The following KCNT1 variants were observed in gnomAD, a reference collection of about 807,000 sequenced individuals.
KCNT1 encodes the protein potassium channel subfamily T member 1.
A neutral mutation model predicts 147.8 loss-of-function variants in KCNT1; 78 were observed. The observed-to-expected ratio is 0.53, with a 90% CI of 0.44 to 0.64. The LOEUF is 0.64. Among genes scored for constraint, KCNT1 ranks in the 30% least tolerant of loss-of-function variants. The pLI, the probability that KCNT1 is intolerant of heterozygous loss-of-function variation, is 0.00. For synonymous variants in KCNT1, 867 were observed against 748.8 expected, an observed-to-expected ratio of 1.16 and a Z score of -2.58; for missense variants, 1,419 against 1,750.3, an observed-to-expected ratio of 0.81 and a Z score of 3.38.
At chr9:135,772,334 C>G (rs1440811169) in intron 18 of KCNT1, among the ~76,000 whole-genome samples, 1 of 152,178 alleles carries the variant, frequency 6.6e-6, no homozygotes, top group African/African-American at 2.4e-5. Context: ...ACTGAGTCAC[C>G]CAGCTGCTCC....
At chr9:135,774,511 TTGTGTGTCTGTGTGTGC>T (rs1833010308) in intron 19 of KCNT1, among the ~76,000 whole-genome samples, 1 of 150,522 alleles carries the variant, frequency 6.6e-6, no homozygotes, top group Non-Finnish European at 1.5e-5. Context: ...GTTGCATATG[TTGTGTGTCTGTGTGTGC>T]TGTGTGTCTG....
At chr9:135,761,713 G>A (rs1831923127) in intron 11 of KCNT1, among the ~76,000 whole-genome samples, 1 of 152,198 alleles carries the variant, frequency 6.6e-6, no homozygotes, top group African/African-American at 2.4e-5. Flanking sequence ...CTCTGCAGAG[G>A]CGTTGACCCA....
chr9:135,724,022 G>A (rs1588268010), intron 2 of KCNT1, among the ~76,000 whole-genome samples: 1 of 152,170 alleles, frequency 6.6e-6, no homozygotes, highest in Non-Finnish European at 1.5e-5. Flanking sequence ...TTCATAAGAG[G>A]CCCCGGGAAG....
intron 9 of KCNT1, 79 bp downstream of exon 9, chr9:135,757,460 C>G (rs572648831): frequency 7.6e-7 from 1 of 1,319,960 alleles, no homozygotes; most frequent in Non-Finnish European, 1.1e-6. Context: ...CACTGTGCGA[C>G]GTAGCCTGCC....
rs1834740041 is a variant in KCNT1, at chr9:135,795,368, G to A, written c.*3207G>A. 1 of 152,164 alleles carries A rather than the reference G, an allele frequency of 6.6e-6. No individual in the cohort carries two copies. The highest frequency in any genetic ancestry group is 1.5e-5 in the Non-Finnish European group (1 of 68,034). The allele number at this position is 152,164 out of a possible 1,614,324, so 9.4% of individuals were successfully genotyped here. A position where few individuals can be genotyped will look rare whatever the true frequency, so the allele number is the denominator to read the frequency against. On this transcript the variant is annotated 3_prime_UTR_variant, in exon 31 of 31. Coordinates refer to ENST00000371757, the MANE Select transcript of KCNT1 (RefSeq NM_020822.3). The stretch of plus-strand genomic sequence containing the variant: ...CTGAGGAAGGAGGATCACCTGAGCT[G>A]GGGAGGTTGAGGCTGCCGTGAGCTG...
Position 135,724,930 on chromosome 9 carries a change from A to T in KCNT1, c.254+10210A>T, listed in dbSNP as rs146710153. Among the ~76,000 whole-genome samples the T allele has an allele frequency of 6.1e-4, 93 of 152,198 alleles. No homozygotes were observed. In the East Asian group the frequency reaches 0.016, roughly 27 times the overall value. On this transcript the variant is annotated intron_variant, in intron 2 of 30. Coordinates refer to ENST00000371757, the MANE Select transcript of KCNT1 (RefSeq NM_020822.3). ...GAACCTTCCCTCTAGCAGACAACAG[A>T]TCTGACAGGGTCTTCCCCCCATGAG...
At position 135,764,505 on chromosome 9, in the gene KCNT1, C is replaced by T. The variant is rs140927218; in HGVS notation, c.1036-526C>T. ...ACTTTCACCTAGAGGCCAGTGGGGC[C>T]GGTGCTGGGAGGCCCCGGTGGCCTC... On this transcript the variant is annotated intron_variant, in intron 11 of 30. Transcript: ENST00000371757. 5.2e-3 allele frequency among the ~76,000 whole-genome samples: 790 copies of T among 152,272 alleles called. 4 individuals are homozygous for T. The highest frequency in any genetic ancestry group is 0.015 in the South Asian group (72 of 4,826).
intron 2 of KCNT1, among the ~76,000 whole-genome samples, chr9:135,744,581 C>T (rs902893443): frequency 1.3e-5 from 2 of 152,258 alleles, no homozygotes; most frequent in African/African-American, 2.4e-5. Context: ...CTGGGGCAAG[C>T]GTGGGCCTCG....
At chr9:135,735,037 A>G (rs1248268956) in intron 2 of KCNT1, among the ~76,000 whole-genome samples, 2 of 152,032 alleles carry the variant, frequency 1.3e-5, no homozygotes, top group Non-Finnish European at 2.9e-5. Context: ...GTTCTGGGGC[A>G]CTCCACAGGA....
chr9:135,711,888 G>A (rs1002466001), intron 1 of KCNT1, among the ~76,000 whole-genome samples: 3 of 152,232 alleles, frequency 2.0e-5, no homozygotes, highest in African/African-American at 7.2e-5. Flanking sequence ...TGCAGGCCCT[G>A]TTCCGCGTGC....
intron 11 of KCNT1, 70 bp from the exon 12 acceptor site, chr9:135,764,961 C>A: frequency 6.6e-7 from 1 of 1,518,114 alleles, no homozygotes; most frequent in Non-Finnish European, 8.9e-7. Flanking sequence ...GTGTCAGGGC[C>A]CAGGTTCTTC....
intron 2 of KCNT1, among the ~76,000 whole-genome samples, chr9:135,732,022 A>AGAGG (rs1836492185): frequency 1.5e-5 from 2 of 129,408 alleles, no homozygotes; most frequent in Non-Finnish European, 3.3e-5. Context: ...AGAGAGAGAG[A>AGAGG]GAGAGAGAGA....
At chr9:135,737,000 G>A (rs980379213) in intron 2 of KCNT1, 26 of 283,090 alleles carry the variant, frequency 9.2e-5, no homozygotes, top group African/African-American at 5.3e-4. Context: ...CGTAGGGGCT[G>A]AACACGGCGG....
At chr9:135,737,997 G>C (rs999975104) in intron 2 of KCNT1, among the ~76,000 whole-genome samples, 17 of 152,188 alleles carry the variant, frequency 1.1e-4, no homozygotes, top group African/African-American at 3.1e-4. Flanking sequence ...ATGCTGGCGT[G>C]GGGGGAAGGG....
chr9:135,739,964 G>A (rs564232165), intron 2 of KCNT1, among the ~76,000 whole-genome samples: 2 of 152,106 alleles, frequency 1.3e-5, no homozygotes, highest in African/African-American at 4.8e-5. Flanking sequence ...CTGGAGGCTG[G>A]AAGTCTGAGC....
intron 29 of KCNT1, 56 bp downstream of exon 29, chr9:135,786,577 C>T (rs1320695208): frequency 2.0e-6 from 3 of 1,478,070 alleles, no homozygotes; most frequent in Non-Finnish European, 2.7e-6. Context: ...CAGGGTCGGG[C>T]CACAGCCAAG....
intron 1 of KCNT1, among the ~76,000 whole-genome samples, chr9:135,712,676 C>T (rs939815964): frequency 1.3e-5 from 2 of 152,198 alleles, no homozygotes; most frequent in Non-Finnish European, 2.9e-5. Context: ...GGCCCCTTTC[C>T]CAGAGACCCT....
intron 11 of KCNT1, among the ~76,000 whole-genome samples, chr9:135,763,576 T>C (rs983415849): frequency 6.6e-6 from 1 of 152,064 alleles, no homozygotes; most frequent in East Asian, 1.9e-4. Context: ...CCCATGCCTC[T>C]CTCCAGCTTC....
intron 12 of KCNT1, 64 bp downstream of exon 12, chr9:135,765,259 C>A: frequency 6.8e-7 from 1 of 1,478,138 alleles, no homozygotes; most frequent in South Asian, 1.2e-5. Context: ...GCCATCCTCT[C>A]CCCAGGACTG....
Sources: gnomAD v4.1 joint callset for allele counts (sites outside exome capture counted in the v4.1 genomes callset) on GRCh38, gnomAD v4.1.1 for gene constraint, MANE v1.5 for transcripts, NCBI Gene and HGNC (gene_info 2026-07-23, HGNC 2026-07-21) for gene names.